Variants in MIPOL1 observed in about 807,000 individuals in gnomAD.
MIPOL1 encodes the protein mirror-image polydactyly gene 1 protein.
A neutral mutation model predicts 60.9 loss-of-function variants in MIPOL1; 57 were observed. The ratio of observed to expected loss-of-function variants is 0.94; its 90% confidence interval spans 0.76 to 1.17. The LOEUF (loss-of-function observed/expected upper bound fraction) is 1.17, where lower values mean the gene tolerates loss of function less well. Ranked by LOEUF, MIPOL1 falls within the 50% of genes most tolerant of loss-of-function variation. MIPOL1 has a pLI of 0.00. For synonymous variants in MIPOL1, 179 were observed against 168.8 expected (o/e 1.06, Z -0.47); for missense variants, 551 against 511.6 (o/e 1.08, Z -0.74).
At chr14:37,387,686 A>C (rs1037780281) in intron 10 of MIPOL1, among the ~76,000 whole-genome samples, 2 of 151,950 alleles carry the variant, frequency 1.3e-5, no homozygotes, top group African/African-American at 4.8e-5. Flanking sequence ...AATGTGATAC[A>C]CGTATCTGTC....
intron 10 of MIPOL1, among the ~76,000 whole-genome samples, chr14:37,397,276 G>T (rs370183381): frequency 6.6e-6 from 1 of 151,756 alleles, no homozygotes; most frequent in Non-Finnish European, 1.5e-5. Flanking sequence ...AAGCCTACCC[G>T]GCTCTGGGCT....
intron 1 of MIPOL1, among the ~76,000 whole-genome samples, chr14:37,228,166 A>T (rs1164320781): frequency 6.6e-6 from 1 of 152,086 alleles, no homozygotes; most frequent in Non-Finnish European, 1.5e-5. Flanking sequence ...TCAGGGACTT[A>T]AGAACCATAC....
At chr14:37,253,802 T>C (rs777036948) in intron 3 of MIPOL1, among the ~76,000 whole-genome samples, 1 of 151,714 alleles carries the variant, frequency 6.6e-6, no homozygotes, top group African/African-American at 2.4e-5. Flanking sequence ...TAGTATATAA[T>C]TAATAATATT....
At chr14:37,250,580 A>T (rs1973922043) in intron 3 of MIPOL1, among the ~76,000 whole-genome samples, 1 of 152,108 alleles carries the variant, frequency 6.6e-6, no homozygotes. Context: ...AAAATTAAAC[A>T]TAAATATTTT....
At chr14:37,283,646 G>C (rs2084307450) in intron 6 of MIPOL1, among the ~76,000 whole-genome samples, 1 of 152,178 alleles carries the variant, frequency 6.6e-6, no homozygotes, top group South Asian at 2.1e-4. Flanking sequence ...TATGGTTACT[G>C]TAGTGGTAGA....
chr14:37,253,190 A>G (rs888737544), intron 3 of MIPOL1, among the ~76,000 whole-genome samples: 4 of 151,854 alleles, frequency 2.6e-5, no homozygotes, highest in East Asian at 1.9e-4. Context: ...TGGAAAACCA[A>G]TACTTTTAAT....
At chr14:37,279,333 ATCATAATT>A (rs1375806541) in intron 6 of MIPOL1, among the ~76,000 whole-genome samples, 2 of 151,170 alleles carry the variant, frequency 1.3e-5, no homozygotes, top group Non-Finnish European at 3.0e-5. Flanking sequence ...TATTCATTCC[ATCATAATT>A]TGCATTAGAG....
chr14:37,213,550 C>T (rs2094449780), intron 1 of MIPOL1, among the ~76,000 whole-genome samples: 2 of 151,924 alleles, frequency 1.3e-5, no homozygotes, highest in Admixed American at 6.6e-5. Context: ...AATAAAAAAA[C>T]AATGAAGCAT....
intron 9 of MIPOL1, among the ~76,000 whole-genome samples, chr14:37,340,708 A>AT (rs2090506592): frequency 1.3e-5 from 2 of 152,142 alleles, no homozygotes; most frequent in Admixed American, 1.3e-4. Context: ...AAAAAAAAAA[A>AT]GTTACAGTAA....
At chr14:37,436,366 GT>G (rs2094163087) in intron 11 of MIPOL1, among the ~76,000 whole-genome samples, 1 of 151,966 alleles carries the variant, frequency 6.6e-6, no homozygotes. Context: ...GTTTAATTAG[GT>G]TTATTTAGTA....
intron 12 of MIPOL1, chr14:37,502,655 A>G (rs1315853499): frequency 6.6e-6 from 1 of 152,256 alleles, no homozygotes; most frequent in Non-Finnish European, 1.5e-5. Flanking sequence ...AAAACCATGA[A>G]GATGGGAAGA....
At chr14:37,293,425 C>T (rs560902721) in intron 7 of MIPOL1, among the ~76,000 whole-genome samples, 10 of 152,142 alleles carry the variant, frequency 6.6e-5, no homozygotes, top group East Asian at 3.9e-4. Flanking sequence ...ACTGAGGTAC[C>T]AGGTTCATCT....
intron 9 of MIPOL1, among the ~76,000 whole-genome samples, chr14:37,343,292 TA>T (rs1250207979): frequency 1.3e-5 from 2 of 152,074 alleles, no homozygotes; most frequent in African/African-American, 4.8e-5. Flanking sequence ...TTTTCAAGTT[TA>T]AAAAAACTCT....
At chr14:37,232,839 C>G (rs1438657243) in intron 1 of MIPOL1, among the ~76,000 whole-genome samples, 1 of 152,192 alleles carries the variant, frequency 6.6e-6, no homozygotes, top group Non-Finnish European at 1.5e-5. Context: ...TTTAATGAAC[C>G]TGCAATCCCA....
intron 11 of MIPOL1, among the ~76,000 whole-genome samples, chr14:37,441,000 C>T (rs896419513): frequency 6.6e-6 from 1 of 152,118 alleles, no homozygotes; most frequent in Non-Finnish European, 1.5e-5. Flanking sequence ...ATTTGCATTT[C>T]TCTGATGAGT....
At chr14:37,266,853 T>C in intron 3 of MIPOL1, 85 bp from the exon 4 acceptor site, 2 of 917,904 alleles carry the variant, frequency 2.2e-6, no homozygotes, top group Non-Finnish European at 3.4e-6. Flanking sequence ...AAAGAGTGTT[T>C]CCAAAAATAT....
chr14:37,214,992 A>T (rs551079217), intron 1 of MIPOL1, among the ~76,000 whole-genome samples: 7 of 152,066 alleles, frequency 4.6e-5, no homozygotes, highest in Non-Finnish European at 7.4e-5. Context: ...TCTCCCTGTG[A>T]TGCTGTGCTT....
At chr14:37,325,649 G>A (rs989853795) in intron 9 of MIPOL1, among the ~76,000 whole-genome samples, 1 of 150,492 alleles carries the variant, frequency 6.6e-6, no homozygotes, top group African/African-American at 2.5e-5. Context: ...GTTGAATTCA[G>A]TTCTCATTTA....
At chr14:37,400,065 A>G (rs974289940) in intron 10 of MIPOL1, 1 of 152,156 alleles carries the variant, frequency 6.6e-6, no homozygotes, top group East Asian at 1.9e-4. Context: ...AAGTGGTAAT[A>G]TGTATAACTT....
Sources: gnomAD v4.1 joint callset for allele counts (sites outside exome capture counted in the v4.1 genomes callset) on GRCh38, gnomAD v4.1.1 for gene constraint, MANE v1.5 for transcripts, NCBI Gene and HGNC (gene_info 2026-07-23, HGNC 2026-07-21) for gene names.